ARPC1B: variants seen among roughly 807,000 people sequenced by gnomAD.
ARPC1B encodes actin-related protein 2/3 complex subunit 1B.
Under a neutral mutation model 46.0 loss-of-function variants are expected in ARPC1B, and 29 were observed. That is an observed-to-expected ratio of 0.63 (90% CI 0.47 to 0.86). The LOEUF (loss-of-function observed/expected upper bound fraction) is 0.86, where lower values mean the gene tolerates loss of function less well. ARPC1B is among the 40% of genes least tolerant of loss of function. ARPC1B has a pLI of 0.00. For synonymous variants in ARPC1B, 201 were observed against 213.9 expected (o/e 0.94, Z 0.53); for missense variants, 469 against 529.4 (o/e 0.89, Z 1.12).
chr7:99,392,576 C>T, intron 7 of ARPC1B, 95 bp from the exon 8 acceptor site: 1 of 1,123,066 alleles, frequency 8.9e-7, no homozygotes, highest in Non-Finnish European at 1.2e-6. Context: ...CTTGAGCTGG[C>T]ATCTGCCTCC....
At chr7:99,376,061 C>CA (rs1055447800) in intron 1 of ARPC1B, among the ~76,000 whole-genome samples, 22,600 of 96,046 alleles carry the variant, frequency 0.24, 3,691 homozygotes, top group African/African-American at 0.47. Context: ...GACTCCGTCT[C>CA]AAAAAAAAAA....
chr7:99,387,454 G>GAA (rs2150893423), intron 3 of ARPC1B, among the ~76,000 whole-genome samples: 1 of 149,186 alleles, frequency 6.7e-6, no homozygotes, highest in East Asian at 2.0e-4. Flanking sequence ...AAGAAAGAAA[G>GAA]AGGCCGGGTG....
chr7:99,391,275 G>C (rs368603633), intron 7 of ARPC1B, 22 bp downstream of exon 7: 2 of 1,610,564 alleles, frequency 1.2e-6, no homozygotes, highest in African/African-American at 1.3e-5. Context: ...GGAGGGGAGG[G>C]AGGGTGTGTG....
At chr7:99,390,455 G>A (rs954484216) in intron 5 of ARPC1B, among the ~76,000 whole-genome samples, 10 of 150,834 alleles carry the variant, frequency 6.6e-5, no homozygotes, top group African/African-American at 2.0e-4. Context: ...TGCAACCTCC[G>A]CCTGCTGAGT....
chr7:99,388,050 G>A lies in ARPC1B; in HGVS notation c.181G>A (p.Ala61Thr). 1 of 1,603,634 alleles carries A rather than the reference G, an allele frequency of 6.2e-7. No individual in the cohort carries two copies. The highest frequency in any genetic ancestry group is 8.5e-7 in the Non-Finnish European group (1 of 1,171,270). Residue 61 changes from alanine to threonine, a missense_variant, in exon 4 of 10, where the codon GCC becomes ACC. By Grantham distance (58) the Ala-to-Thr change is moderately conservative. Transcript: ENST00000646101. ...HNGQVTGIDW[A>T]PESNRIVTCG... ...CCATCCCCCCACAGGCATCGACTGG[G>A]CCCCCGAGAGTAACCGTATTGTGAC...
intron 4 of ARPC1B, chr7:99,389,381 A>T (rs192899462): frequency 6.5e-6 from 1 of 154,040 alleles, no homozygotes; most frequent in South Asian, 2.0e-4. Flanking sequence ...TACAGGCCCA[A>T]ATCATTTATT....
At chr7:99,393,508 GTC>G (rs1794649784) in intron 8 of ARPC1B, among the ~76,000 whole-genome samples, 1 of 151,982 alleles carries the variant, frequency 6.6e-6, no homozygotes. Context: ...GGAGCTGAGG[GTC>G]TCTCCGCAGC....
chr7:99,386,717 C>A lies in ARPC1B; in HGVS notation c.97C>A (p.His33Asn). 6.2e-7 allele frequency: 1 copy of A among 1,614,104 alleles called. No homozygotes were observed. The highest frequency in any genetic ancestry group is 8.5e-7 in the Non-Finnish European group (1 of 1,179,988). The change falls in exon 3 of 10, where the codon CAT becomes AAT. Residue 33 changes from histidine (H) to asparagine (N), a missense_variant. His to Asn is a moderately conservative substitution (Grantham distance 68). Transcript: ENST00000646101. ...CATCTGCCCCAACAACCATGAGGTGCATATCTATGAAAAGAGCGGTGCCAA... is the reference window on the plus strand; with the variant it reads ...CATCTGCCCCAACAACCATGAGGTGAATATCTATGAAAAGAGCGGTGCCAA... ...IAICPNNHEV[H>N]IYEKSGAKWT... is the part of the protein sequence containing the mutation.
chr7:99,382,225 G>C (rs992689444), intron 1 of ARPC1B, among the ~76,000 whole-genome samples: 2 of 152,022 alleles, frequency 1.3e-5, no homozygotes, highest in Non-Finnish European at 2.9e-5. Context: ...ATCACTTGAG[G>C]TCAGGAGTTC....
chr7:99,385,986 C>G (rs762895191), intron 2 of ARPC1B, among the ~76,000 whole-genome samples: 1 of 152,166 alleles, frequency 6.6e-6, no homozygotes, highest in Non-Finnish European at 1.5e-5. Context: ...TGCGGTAGCT[C>G]ATGCCTGTAA....
chr7:99,386,920 T>G lies in ARPC1B; in HGVS notation c.169+131T>G, dbSNP rs1008766133. On this transcript the variant is annotated intron_variant, in intron 3 of 9. Transcript: ENST00000646101. ...CGTGAAACCCGGATTCAAACTGGCT[T>G]CAATTTTAAGGGGACTGTGTTGGCT... is the stretch of plus-strand genomic sequence containing the variant. 2.1e-5 allele frequency: 15 copies of G among 715,186 alleles called. No homozygotes were observed. In the African/African-American group the frequency reaches 2.7e-4, roughly 13 times the overall value. 44.3% of individuals were successfully genotyped at this position (715,186 alleles called of 1,614,324 possible).
chr7:99,393,965 C>G, intron 8 of ARPC1B, 64 bp from the exon 9 acceptor site: 1 of 1,546,580 alleles, frequency 6.5e-7, no homozygotes, highest in Non-Finnish European at 8.9e-7. Context: ...GCCTGGTGGA[C>G]AGGGTGGGCC....
At chr7:99,375,102 G>T (rs1029136861) in intron 1 of ARPC1B, among the ~76,000 whole-genome samples, 1 of 151,896 alleles carries the variant, frequency 6.6e-6, no homozygotes, top group Non-Finnish European at 1.5e-5. Context: ...GGCTCCCAGC[G>T]CACCGGGCGC....
Position 99,392,592 on chromosome 7 carries a change from G to A in ARPC1B, c.784-79G>A, listed in dbSNP as rs371706645. 1.3e-5 allele frequency: 17 copies of A among 1,302,080 alleles called. No individual in the cohort carries two copies. In the East Asian group the frequency reaches 3.1e-4, roughly 24 times the overall value. 80.7% of individuals were successfully genotyped at this position (1,302,080 alleles called of 1,614,324 possible). On this transcript the variant is annotated intron_variant, in intron 7 of 9. Transcript: ENST00000646101. ...TTGAGCTGGCATCTGCCTCCCGGGC[G>A]GCCAGACGCCCGCCTGGCCTTCCCT...
In ARPC1B at chr7:99,394,781, A is replaced by T; in HGVS notation, c.*292A>T. The T allele has an allele frequency of 1.1e-5, 5 of 437,556 alleles. No homozygotes were observed. The highest frequency in any genetic ancestry group is 8.6e-5 in the South Asian group (1 of 11,664). The allele number at this position is 437,556 out of a possible 1,614,324, so 27.1% of individuals were successfully genotyped here. A position where few individuals can be genotyped will look rare whatever the true frequency, so the allele number is the denominator to read the frequency against. On this transcript the variant is annotated 3_prime_UTR_variant, in exon 10 of 10. Coordinates refer to ENST00000646101, the MANE Select transcript of ARPC1B (RefSeq NM_005720.4). The stretch of plus-strand genomic sequence containing the variant: ...GGAGGTAATAAAATGCAACTGTGTA[A>T]AAAAAAAAAAAAAAAAAAAAGTAAT...
In ARPC1B at chr7:99,394,698, G is replaced by GGAAA; in HGVS notation, c.*209_*210insGAAA. 1 of 1,163,610 alleles carries GGAAA rather than the reference G, an allele frequency of 8.6e-7. No individual in the cohort carries two copies. Among genetic ancestry groups the GGAAA allele is most frequent in the African/African-American group, 1.9e-5 (1 of 53,368 alleles). The allele number at this position is 1,163,610 out of a possible 1,614,324, so 72.1% of individuals were successfully genotyped here. On this transcript the variant is annotated 3_prime_UTR_variant, in exon 10 of 10. Coordinates refer to ENST00000646101, the MANE Select transcript of ARPC1B (RefSeq NM_005720.4). ...TTTTTCTTAAATGCTTTCATTTATT[G>GGAAA]AAAAAAAAAAAAAATGCCCCCAAAG...
intron 1 of ARPC1B, among the ~76,000 whole-genome samples, chr7:99,375,318 G>GCCGCC (rs1334889670): frequency 6.6e-6 from 1 of 152,076 alleles, no homozygotes; most frequent in East Asian, 1.9e-4. Flanking sequence ...GGCGTCTCCT[G>GCCGCC]CCGCCCCGCC....
chr7:99,384,066 G>C (rs1235044876), intron 1 of ARPC1B: 2 of 152,426 alleles, frequency 1.3e-5, no homozygotes, highest in African/African-American at 4.8e-5. Context: ...TGTGATGCTG[G>C]GAAACTGAGT....
chr7:99,391,387 AT>A (rs1340301723), intron 7 of ARPC1B, 134 bp downstream of exon 7: 9 of 961,406 alleles, frequency 9.4e-6, no homozygotes, highest in Non-Finnish European at 1.4e-5. Flanking sequence ...ATGTACCAGA[AT>A]TGGGCAGAAC....
Sources: gnomAD v4.1 joint callset for allele counts (sites outside exome capture counted in the v4.1 genomes callset) on GRCh38, gnomAD v4.1.1 for gene constraint, MANE v1.5 for transcripts, NCBI Gene and HGNC (gene_info 2026-07-23, HGNC 2026-07-21) for gene names.